The following CYP20A1 variants were observed in gnomAD, a reference collection of about 807,000 sequenced individuals.
CYP20A1 encodes the protein cytochrome P450 20A1.
In CYP20A1, 61 loss-of-function variants were observed where a neutral mutation model predicts 61.4. The ratio of observed to expected loss-of-function variants is 0.99; its 90% confidence interval spans 0.81 to 1.23. CYP20A1 has a LOEUF of 1.23. Ranked by LOEUF, CYP20A1 falls within the 50% of genes most tolerant of loss-of-function variation. The pLI is 0.00. For missense variants in CYP20A1, 530 were observed against 542.4 expected (o/e 0.98, Z 0.23); for synonymous variants, 193 against 188.2 (o/e 1.03, Z -0.21).
chr2:203,273,200 C>T (rs1047310116), intron 6 of CYP20A1, among the ~76,000 whole-genome samples: 2 of 152,024 alleles, frequency 1.3e-5, no homozygotes, highest in Non-Finnish European at 2.9e-5. Context: ...TGAAAGTTTT[C>T]TTTAACAGAA....
intron 6 of CYP20A1, among the ~76,000 whole-genome samples, chr2:203,274,930 A>G (rs1013852679): frequency 6.6e-6 from 1 of 152,206 alleles, no homozygotes; most frequent in Non-Finnish European, 1.5e-5. Context: ...GTCTGGCATA[A>G]TGTGTTCCTT....
chr2:203,257,553 G>A (rs2066939051), intron 4 of CYP20A1, among the ~76,000 whole-genome samples: 1 of 151,966 alleles, frequency 6.6e-6, no homozygotes, highest in South Asian at 2.1e-4. Flanking sequence ...ACTTTGGGGG[G>A]CCGACGCAGG....
intron 8 of CYP20A1, among the ~76,000 whole-genome samples, chr2:203,284,673 C>G (rs1400749438): frequency 6.6e-6 from 1 of 151,054 alleles, no homozygotes; most frequent in Non-Finnish European, 1.5e-5. Flanking sequence ...ACCTACTGAA[C>G]CAGAATTTGT....
At chr2:203,256,419 G>C (rs908010818) in intron 4 of CYP20A1, among the ~76,000 whole-genome samples, 2 of 151,996 alleles carry the variant, frequency 1.3e-5, no homozygotes, top group African/African-American at 4.8e-5. Flanking sequence ...GAGTGCAGTG[G>C]TGCAATCTTG....
rs369431337 is a variant in CYP20A1 at position 203,246,904 on chromosome 2, T to G, written c.272T>G (p.Ile91Ser). The G allele has an allele frequency of 2.0e-5, 33 of 1,613,030 alleles. No homozygotes were observed. In the African/African-American group the frequency reaches 3.7e-4, roughly 18 times the overall value. The change falls in exon 3 of 13, where the codon ATC (isoleucine) becomes AGC (serine). Residue 91 changes from isoleucine to serine, a missense_variant. Ile to Ser is a moderately radical substitution (Grantham distance 142). Coordinates refer to ENST00000356079, the MANE Select transcript of CYP20A1 (RefSeq NM_177538.3). ...ACTGTTGATGTACTGAAGCAGCATA[T>G]CAATCCCAATAAGACATGTAAGTTT... ...LGTVDVLKQH[I>S]NPNKTSDPFE... is the part of the protein sequence containing the mutation.
intron 4 of CYP20A1, among the ~76,000 whole-genome samples, chr2:203,266,181 T>A (rs1575209542): frequency 6.6e-6 from 1 of 152,218 alleles, no homozygotes; most frequent in East Asian, 1.9e-4. Context: ...GACTTTTCAT[T>A]ATTTTTAATT....
Position 203,280,393 on chromosome 2 carries a change from G to A in CYP20A1, c.850+280G>A, listed in dbSNP as rs950382449. ...TTGTGCACTCCAGCCTGAAAACAGA[G>A]TGAGACCCTGTCTCAAAAAAAACAA... On this transcript the variant is annotated intron_variant, in intron 8 of 12. Coordinates refer to ENST00000356079, the MANE Select transcript of CYP20A1 (RefSeq NM_177538.3). Among the ~76,000 whole-genome samples, 5 of 152,238 alleles carry A rather than the reference G, an allele frequency of 3.3e-5. No homozygotes were observed. In the East Asian group the frequency reaches 9.7e-4, roughly 29 times the overall value.
intron 8 of CYP20A1, among the ~76,000 whole-genome samples, chr2:203,280,398 AC>A (rs1338629968): frequency 6.6e-6 from 1 of 152,104 alleles, no homozygotes; most frequent in Non-Finnish European, 1.5e-5. Context: ...ACAGAGTGAG[AC>A]CCTGTCTCAA....
chr2:203,246,970 G>T, intron 3 of CYP20A1, 49 bp downstream of exon 3: 1 of 1,583,514 alleles, frequency 6.3e-7, no homozygotes, highest in Non-Finnish European at 8.6e-7. Flanking sequence ...TTTTAAGAAT[G>T]AATGTTTAGG....
At chr2:203,287,727 T>G (rs886157556) in intron 9 of CYP20A1, among the ~76,000 whole-genome samples, 2 of 151,742 alleles carry the variant, frequency 1.3e-5, no homozygotes, top group Non-Finnish European at 1.5e-5. Flanking sequence ...ATAAATAATT[T>G]TTAAAAGTTT....
In CYP20A1 at chr2:203,304,174, T is replaced by C. The variant is rs2069133015; in HGVS notation, c.*7266T>C. On this transcript the variant is annotated 3_prime_UTR_variant, in exon 13 of 13. Transcript: ENST00000356079. ...TTGCAGTGTGCCGAGATCGCACCAC[T>C]GTACTCCAGCCTAGGTGACAGAGTG... is the stretch of plus-strand genomic sequence containing the variant. Among the ~76,000 whole-genome samples the C allele has an allele frequency of 6.6e-6, 1 of 151,726 alleles. No individual in the cohort carries two copies. Among genetic ancestry groups the C allele is most frequent in the Admixed American group, 6.6e-5 (1 of 15,218 alleles).
chr2:203,266,136 TTTA>T (rs2067314192), intron 4 of CYP20A1, among the ~76,000 whole-genome samples: 1 of 152,228 alleles, frequency 6.6e-6, no homozygotes, highest in South Asian at 2.1e-4. Context: ...TATTCATATG[TTTA>T]TTGATTATTA....
chr2:203,258,402 A>C (rs965793991), intron 4 of CYP20A1, among the ~76,000 whole-genome samples: 7 of 152,166 alleles, frequency 4.6e-5, no homozygotes, highest in Non-Finnish European at 8.8e-5. Flanking sequence ...AAAAAAAAAA[A>C]AAAAAACGGT....
intron 10 of CYP20A1, among the ~76,000 whole-genome samples, chr2:203,290,790 G>A (rs1217548223): frequency 6.6e-6 from 1 of 151,950 alleles, no homozygotes; most frequent in Admixed American, 6.6e-5. Context: ...TTACAGGCTT[G>A]TGCCACAAGG....
intron 3 of CYP20A1, 150 bp from the exon 4 acceptor site, chr2:203,251,817 A>ATATATGTGTGTATATATATAT (rs34111991): frequency 6.3e-5 from 6 of 95,286 alleles, no homozygotes; most frequent in Non-Finnish European, 1.1e-4. Flanking sequence ...ATATATATAT[A>ATATATGTGTGTATATATATAT]AAAAATAAAA....
Position 203,289,829 on chromosome 2 carries a change from C to T in CYP20A1, c.1036C>T (p.Leu346Phe), listed in dbSNP as rs1048013. 839,654 of 1,590,412 alleles carry T rather than the reference C, an allele frequency of 0.53. 229,669 individuals are homozygous for T. Among genetic ancestry groups the T allele is most frequent in the Middle Eastern group, 0.62 (3,722 of 5,990 alleles). The stretch of plus-strand genomic sequence containing the variant: ...CAAACTGACTCCAGTTTCTGCCCAG[C>T]TTCAAGATATTGAAGGAAAAATTGA... ...TAKLTPVSAQ[L>F]QDIEGKIDRF... The change falls in exon 10 of 13, where the codon CTT becomes TTT. Residue 346 changes from leucine (L) to phenylalanine (F), a missense_variant. Transcript: ENST00000356079.
At chr2:203,275,402 T>C (rs1346235331) in intron 6 of CYP20A1, among the ~76,000 whole-genome samples, 1 of 152,134 alleles carries the variant, frequency 6.6e-6, no homozygotes, top group African/African-American at 2.4e-5. Flanking sequence ...AACAACTTCT[T>C]TATAGTGTTA....
intron 4 of CYP20A1, among the ~76,000 whole-genome samples, chr2:203,255,362 A>G (rs2066856715): frequency 6.6e-6 from 1 of 152,244 alleles, no homozygotes; most frequent in Non-Finnish European, 1.5e-5. Flanking sequence ...GCAAGATCTA[A>G]TAATCCTTCC....
chr2:203,279,979 T>C, intron 7 of CYP20A1, 80 bp from the exon 8 acceptor site: 1 of 874,102 alleles, frequency 1.1e-6, no homozygotes, highest in Non-Finnish European at 1.7e-6. Flanking sequence ...ACTAATTTTA[T>C]GCTGTAGATT....
Sources: gnomAD v4.1 joint callset for allele counts (sites outside exome capture counted in the v4.1 genomes callset) on GRCh38, gnomAD v4.1.1 for gene constraint, MANE v1.5 for transcripts, NCBI Gene and HGNC (gene_info 2026-07-23, HGNC 2026-07-21) for gene names.